Variants in NCALD observed in about 807,000 individuals in gnomAD.
NCALD encodes neurocalcin-delta.
NCALD carries 10 observed loss-of-function variants against 18.6 expected under a neutral mutation model. That is an observed-to-expected ratio of 0.54 (90% CI 0.33 to 0.91). NCALD has a LOEUF of 0.91. Among genes scored for constraint, NCALD ranks in the 40% least tolerant of loss-of-function variants. The probability of loss-of-function intolerance (pLI) is 0.03; values close to 1 mark genes in which losing one functional copy is unlikely to be tolerated. For missense variants in NCALD, 184 were observed against 247.6 expected, an observed-to-expected ratio of 0.74 and a Z score of 1.72; for synonymous variants, 88 against 87.4, an observed-to-expected ratio of 1.01 and a Z score of -0.04.
At chr8:101,816,703 G>A (rs937192669) in intron 4 of NCALD, among the ~76,000 whole-genome samples, 2 of 152,106 alleles carry the variant, frequency 1.3e-5, no homozygotes, top group Non-Finnish European at 2.9e-5. Flanking sequence ...AAATGTCCCC[G>A]CTACAATACT....
intron 1 of NCALD, chr8:101,721,068 T>C (rs1012125110): frequency 6.6e-6 from 1 of 152,066 alleles, no homozygotes; most frequent in Admixed American, 6.6e-5. Context: ...ATATACGAGA[T>C]TAGTTCCTAA....
At chr8:101,727,508 A>G (rs79079068) in intron 1 of NCALD, among the ~76,000 whole-genome samples, 2,495 of 152,244 alleles carry the variant, frequency 0.016, 63 homozygotes, top group African/African-American at 0.057. Context: ...ATGTCACCCA[A>G]GCTGGAGTGC....
At chr8:101,951,697 G>C (rs556162859) in intron 2 of NCALD, among the ~76,000 whole-genome samples, 1 of 152,156 alleles carries the variant, frequency 6.6e-6, no homozygotes, top group African/African-American at 2.4e-5. Context: ...ATAAATAAAT[G>C]GTCTTAAGTC....
chr8:101,911,333 T>C (rs1225433240), intron 3 of NCALD, among the ~76,000 whole-genome samples: 5 of 150,128 alleles, frequency 3.3e-5, no homozygotes, highest in African/African-American at 7.3e-5. Context: ...CTTCCTCTTA[T>C]GAATTTCTCT....
At chr8:102,110,044 C>T (rs1302264783) in intron 1 of NCALD, among the ~76,000 whole-genome samples, 2 of 152,178 alleles carry the variant, frequency 1.3e-5, no homozygotes, top group Admixed American at 6.5e-5. Context: ...TATAATATTT[C>T]ATCTGAATTA....
At chr8:101,988,154 CAAAAAAAAAAAAA>C (rs1374776319) in intron 2 of NCALD, among the ~76,000 whole-genome samples, 2 of 37,180 alleles carry the variant, frequency 5.4e-5, no homozygotes, top group Non-Finnish European at 9.6e-5. Context: ...GACTCCGTCT[CAAAAAAAAAAAAA>C]GAAAAAAAAA....
intron 2 of NCALD, among the ~76,000 whole-genome samples, chr8:101,932,246 G>T (rs2131709862): frequency 6.6e-6 from 1 of 152,278 alleles, no homozygotes; most frequent in South Asian, 2.1e-4. Flanking sequence ...CCAGGCAGCA[G>T]AGGAGTAAAG....
At chr8:102,033,073 C>T (rs895150754) in intron 1 of NCALD, among the ~76,000 whole-genome samples, 2 of 152,080 alleles carry the variant, frequency 1.3e-5, no homozygotes, top group African/African-American at 4.8e-5. Flanking sequence ...TATGGGTTTG[C>T]CTTTTGTAAG....
intron 1 of NCALD, among the ~76,000 whole-genome samples, chr8:102,055,598 C>A (rs1264158655): frequency 2.0e-5 from 3 of 152,232 alleles, no homozygotes; most frequent in South Asian, 4.1e-4. Flanking sequence ...TTTGATGGAA[C>A]TAGCCAGTTC....
At chr8:101,766,694 A>G (rs775148127) in intron 1 of NCALD, among the ~76,000 whole-genome samples, 1 of 152,168 alleles carries the variant, frequency 6.6e-6, no homozygotes, top group Non-Finnish European at 1.5e-5. Flanking sequence ...CTCATGCCTC[A>G]GCCTCCCGAG....
chr8:101,711,913 A>T (rs1474176744), intron 2 of NCALD, among the ~76,000 whole-genome samples: 1 of 152,168 alleles, frequency 6.6e-6, no homozygotes. Context: ...TTCAGGAAAT[A>T]CAGAGAACAC....
chr8:101,942,143 C>A (rs1326978150), intron 2 of NCALD, among the ~76,000 whole-genome samples: 1 of 152,130 alleles, frequency 6.6e-6, no homozygotes, highest in African/African-American at 2.4e-5. Flanking sequence ...TATAGCTTGT[C>A]TAGAGAATAG....
At chr8:101,737,848 G>A (rs1809996963) in intron 1 of NCALD, among the ~76,000 whole-genome samples, 1 of 152,180 alleles carries the variant, frequency 6.6e-6, no homozygotes, top group East Asian at 1.9e-4. Flanking sequence ...CTCAAGAAAC[G>A]ATGGCTCCAT....
intron 2 of NCALD, among the ~76,000 whole-genome samples, chr8:101,958,041 C>T (rs559008037): frequency 2.1e-4 from 32 of 152,314 alleles, no homozygotes; most frequent in Admixed American, 1.0e-3. Flanking sequence ...AGGGTTCAAA[C>T]TCTGATGGTA....
At chr8:101,849,024 C>T (rs999967566) in intron 4 of NCALD, among the ~76,000 whole-genome samples, 1 of 152,098 alleles carries the variant, frequency 6.6e-6, no homozygotes, top group African/African-American at 2.4e-5. Context: ...TACTATGCAG[C>T]CATAAAAAGG....
intron 3 of NCALD, among the ~76,000 whole-genome samples, chr8:101,912,090 T>G (rs1307624902): frequency 2.6e-5 from 4 of 152,162 alleles, no homozygotes; most frequent in African/African-American, 9.7e-5. Flanking sequence ...TTTTTGTAAT[T>G]CATATTTTAT....
intron 2 of NCALD, among the ~76,000 whole-genome samples, chr8:101,964,770 G>A (rs568988918): frequency 7.9e-5 from 12 of 152,206 alleles, no homozygotes; most frequent in South Asian, 6.2e-4. Context: ...TCAAGGATTC[G>A]CCTAATTTTG....
intron 4 of NCALD, among the ~76,000 whole-genome samples, chr8:101,801,643 CTTTTTTTTTTTTTTTTTTTTT>C (rs71268530): frequency 1.1e-3 from 48 of 44,170 alleles, no homozygotes; most frequent in East Asian, 5.5e-3. Flanking sequence ...AGCACACTTA[CTTTTTTTTTTTTTTTTTTTTT>C]TTTTTTTTTT....
chr8:101,800,902 G>A (rs1173330340), intron 4 of NCALD, among the ~76,000 whole-genome samples: 1 of 60,192 alleles, frequency 1.7e-5, no homozygotes, highest in African/African-American at 8.2e-5. Flanking sequence ...AGAGGGGAGG[G>A]GGAAAAAAGG....
Sources: gnomAD v4.1 joint callset for allele counts (sites outside exome capture counted in the v4.1 genomes callset) on GRCh38, gnomAD v4.1.1 for gene constraint, MANE v1.5 for transcripts, NCBI Gene and HGNC (gene_info 2026-07-23, HGNC 2026-07-21) for gene names.